The following MSN variants were observed in gnomAD, a reference collection of about 807,000 sequenced individuals.
MSN encodes epididymis luminal protein 70.
Under a neutral mutation model 48.0 loss-of-function variants are expected in MSN, and 2 were observed. The observed-to-expected ratio is 0.04, with a 90% CI of 0.02 to 0.13. MSN has a LOEUF of 0.13. Among genes scored for constraint, MSN ranks in the 10% least tolerant of loss-of-function variants. The pLI, the probability that MSN is intolerant of heterozygous loss-of-function variation, is 1.00. For missense variants in MSN, 267 were observed against 470.1 expected (o/e 0.57, Z 3.99); for synonymous variants, 146 against 166.9 (o/e 0.87, Z 0.97).
At chrX:65,657,076 G>A (rs1206553389) in intron 1 of MSN, among the ~76,000 whole-genome samples, 3 of 111,863 alleles carry the variant, frequency 2.7e-5, no homozygotes, top group Non-Finnish European at 5.6e-5. Context: ...GCCAGAGTCG[G>A]GGAGGGCTGA....
intron 1 of MSN, among the ~76,000 whole-genome samples, chrX:65,704,837 T>C (rs1266404972): frequency 9.3e-6 from 1 of 107,093 alleles, no homozygotes; most frequent in Non-Finnish European, 1.9e-5. Flanking sequence ...TGGCGCAATC[T>C]TGGCTCACTG....
At chrX:65,704,543 A>G (rs775558800) in intron 1 of MSN, among the ~76,000 whole-genome samples, 30 of 111,071 alleles carry the variant, frequency 2.7e-4, no homozygotes, top group African/African-American at 9.2e-4. Context: ...TCTCCCTAGA[A>G]TGGGTGGTGG....
At chrX:65,738,692 TTA>T (rs2071705329) in intron 11 of MSN, 75 bp downstream of exon 11, 1 of 991,212 alleles carries the variant, frequency 1.0e-6, no homozygotes, top group Non-Finnish European at 1.4e-6. Flanking sequence ...CTTAGATTCC[TTA>T]TGTTTTGGCT....
Position 65,695,886 on chromosome X carries a change from A to AGAGTTTTTGCTTATATATGCCATTC in MSN, c.13-20930_13-20929insGTTTTTGCTTATATATGCCATTCGA, listed in dbSNP as rs369307434. ...TGATATTTAACTTCATGCCTTTGAG[A>AGAGTTTTTGCTTATATATGCCATTC]GAAAGGCATACTTTGTGTTTCTTAC... is the stretch of plus-strand genomic sequence containing the variant. On this transcript the variant is annotated intron_variant, in intron 1 of 12. Coordinates refer to ENST00000360270, the MANE Select transcript of MSN (RefSeq NM_002444.3). 4.2e-4 allele frequency among the ~76,000 whole-genome samples: 46 copies of AGAGTTTTTGCTTATATATGCCATTC among 110,526 alleles called. 1 individual carries two copies. The highest frequency in any genetic ancestry group is 1.5e-3 in the African/African-American group (44 of 29,578).
At position 65,716,908 on chromosome X, in the gene MSN, C is replaced by T. The variant is rs372696816; in HGVS notation, c.96+7C>T. The T allele has an allele frequency of 5.4e-4, 645 of 1,201,022 alleles. No individual in the cohort carries two copies. The highest frequency in any genetic ancestry group is 7.0e-4 in the Non-Finnish European group (622 of 888,394). On this transcript the variant is annotated splice_region_variant and intron_variant, in intron 2 of 12. Coordinates refer to ENST00000360270, the MANE Select transcript of MSN (RefSeq NM_002444.3). The stretch of plus-strand genomic sequence containing the variant: ...GAAGCAGCTATTTGACCAGGTAAGG[C>T]GGAGACTCCTTAGCCTCCTCTCCTT...
chrX:65,711,122 G>A (rs1030751663), intron 1 of MSN, among the ~76,000 whole-genome samples: 10 of 111,251 alleles, frequency 9.0e-5, no homozygotes, highest in African/African-American at 2.9e-4. Context: ...GCAATGACGC[G>A]ATGTCAACTT....
intron 1 of MSN, among the ~76,000 whole-genome samples, chrX:65,715,465 C>G (rs1462442893): frequency 2.7e-5 from 3 of 111,886 alleles, no homozygotes; most frequent in African/African-American, 9.7e-5. Flanking sequence ...TGAGCATGGA[C>G]TGTTTCTCCA....
intron 1 of MSN, among the ~76,000 whole-genome samples, chrX:65,612,742 G>C (rs1463598232): frequency 9.3e-6 from 1 of 108,099 alleles, no homozygotes; most frequent in African/African-American, 3.4e-5. Flanking sequence ...TGTATTTTTA[G>C]TAGAGATGGG....
At chrX:65,619,460 A>G in intron 1 of MSN, among the ~76,000 whole-genome samples, 1 of 98,172 alleles carries the variant, frequency 1.0e-5, no homozygotes. Flanking sequence ...CATTCATTTC[A>G]TCTTCCATCG....
At chrX:65,669,032 C>T (rs1227091572) in intron 1 of MSN, among the ~76,000 whole-genome samples, 2 of 111,589 alleles carry the variant, frequency 1.8e-5, no homozygotes, top group Non-Finnish European at 3.8e-5. Flanking sequence ...GCTTTGGTTG[C>T]CACGTTACTG....
At chrX:65,709,045 C>G (rs1427719076) in intron 1 of MSN, among the ~76,000 whole-genome samples, 1 of 112,189 alleles carries the variant, frequency 8.9e-6, no homozygotes, top group Non-Finnish European at 1.9e-5. Flanking sequence ...TTTTCCTTAT[C>G]CATTCATCTG....
At chrX:65,719,507 C>T (rs776385584) in intron 2 of MSN, among the ~76,000 whole-genome samples, 48 of 111,775 alleles carry the variant, frequency 4.3e-4, no homozygotes, top group African/African-American at 1.6e-3. Context: ...GGCTAGCTGG[C>T]AGGGGGATCA....
chrX:65,676,586 A>G (rs60637202), intron 1 of MSN, among the ~76,000 whole-genome samples: 1 of 110,975 alleles, frequency 9.0e-6, no homozygotes, highest in East Asian at 2.8e-4. Flanking sequence ...AATCCTGAAA[A>G]TTTTTTTCCT....
chrX:65,635,504 G>A (rs182064533), intron 1 of MSN, among the ~76,000 whole-genome samples: 2 of 111,903 alleles, frequency 1.8e-5, no homozygotes, highest in African/African-American at 6.5e-5. Context: ...ATTCAGTCAG[G>A]GGACGGAGAC....
intron 1 of MSN, among the ~76,000 whole-genome samples, chrX:65,637,232 G>A (rs1374234646): frequency 9.3e-6 from 1 of 107,996 alleles, no homozygotes; most frequent in Non-Finnish European, 1.9e-5. Flanking sequence ...GAGAAACCCC[G>A]TCTCTACTAA....
chrX:65,721,671 G>GA (rs2071517818), intron 2 of MSN, among the ~76,000 whole-genome samples: 1 of 111,759 alleles, frequency 8.9e-6, no homozygotes, highest in Non-Finnish European at 1.9e-5. Flanking sequence ...AGGTCATATA[G>GA]CTAGGAAGTG....
rs781113630 is a variant in MSN at position 65,729,563 on chromosome X, G to C, written c.318G>C (p.Val106=). The change falls in exon 4 of 13, where the codon GTG becomes GTC. Residue 106 remains valine (V), a synonymous_variant. Transcript: ENST00000360270. ...CTCAGCGCCTGTTCTTTCTGCAAGT[G>C]AAAGAGGGCATTCTCAATGATGATA... ...DITQRLFFLQ[V]KEGILNDDIY... 3 of 1,211,921 alleles carry C rather than the reference G, an allele frequency of 2.5e-6. No homozygotes were observed. Among genetic ancestry groups the C allele is most frequent in the South Asian group, 3.5e-5 (2 of 56,979 alleles).
intron 1 of MSN, among the ~76,000 whole-genome samples, chrX:65,630,388 TAGTG>T (rs750861017): frequency 9.1e-6 from 1 of 110,170 alleles, no homozygotes; most frequent in Non-Finnish European, 1.9e-5. Flanking sequence ...CTAGGCAACA[TAGTG>T]AGAGTCCATT....
At chrX:65,591,420 A>T (rs1163615983) in intron 1 of MSN, among the ~76,000 whole-genome samples, 4 of 111,794 alleles carry the variant, frequency 3.6e-5, no homozygotes, top group Non-Finnish European at 7.5e-5. Flanking sequence ...GTGCACTGGT[A>T]TCTTGTTGGT....
Sources: gnomAD v4.1 joint callset for allele counts (sites outside exome capture counted in the v4.1 genomes callset) on GRCh38, gnomAD v4.1.1 for gene constraint, MANE v1.5 for transcripts, NCBI Gene and HGNC (gene_info 2026-07-23, HGNC 2026-07-21) for gene names.